AXDND1: variants seen among roughly 807,000 people sequenced by gnomAD.
The protein encoded by AXDND1 is axonemal dynein light chain domain-containing protein 1.
AXDND1 carries 110 observed loss-of-function variants against 137.5 expected under a neutral mutation model. The observed-to-expected ratio is 0.80, with a 90% CI of 0.69 to 0.94. The LOEUF (loss-of-function observed/expected upper bound fraction) is 0.94, where lower values mean the gene tolerates loss of function less well. AXDND1 is among the 40% of genes least tolerant of loss of function. The pLI, the probability that AXDND1 is intolerant of heterozygous loss-of-function variation, is 0.00. For synonymous variants in AXDND1, 414 were observed against 399.7 expected (o/e 1.04, Z -0.43); for missense variants, 1,191 against 1,169.8 (o/e 1.02, Z -0.26).
intron 15 of AXDND1, among the ~76,000 whole-genome samples, chr1:179,432,939 C>T (rs1217557094): frequency 6.6e-6 from 1 of 151,642 alleles, no homozygotes; most frequent in Non-Finnish European, 1.5e-5. Flanking sequence ...TTATGAACAA[C>T]AAGGAAAAAA....
rs35740934 is a variant in AXDND1 at position 179,502,562 on chromosome 1, T to TA, written c.2389-6711dup. Among the ~76,000 whole-genome samples, 177 of 81,040 alleles carry TA rather than the reference T, an allele frequency of 2.2e-3. 4 individuals carry two copies. The highest frequency in any genetic ancestry group is 0.018 in the Middle Eastern group (2 of 110). The allele number at this position is 81,040 out of a possible 152,430, so 53.2% of individuals were successfully genotyped here. A position where few individuals can be genotyped will look rare whatever the true frequency, so the allele number is the denominator to read the frequency against. On this transcript the variant is annotated intron_variant, in intron 20 of 25. Coordinates refer to ENST00000367618, the MANE Select transcript of AXDND1 (RefSeq NM_144696.6). ...CTGGGCAAAAGAGCAAAACTCTGTC[T>TA]AAAAAAAAAAAAAAAAAAAAAAAGA...
intron 12 of AXDND1, among the ~76,000 whole-genome samples, chr1:179,413,129 A>C (rs563805832): frequency 6.6e-6 from 1 of 152,340 alleles, no homozygotes; most frequent in Non-Finnish European, 1.5e-5. Flanking sequence ...ACAAATCCAC[A>C]CATGTTTAAT....
intron 16 of AXDND1, chr1:179,447,504 T>C (rs899196111): frequency 1.9e-6 from 1 of 535,422 alleles, no homozygotes; most frequent in South Asian, 3.3e-5. Context: ...AGGTATAGAT[T>C]CTACAGTTGG....
At chr1:179,551,030 TG>T in intron 25 of AXDND1, 2 of 915,658 alleles carry the variant, frequency 2.2e-6, no homozygotes, top group Non-Finnish European at 3.4e-6. Flanking sequence ...TTCTCATGGA[TG>T]GTGCATTGTG....
At chr1:179,459,751 CTTTCT>C (rs1051704822) in intron 16 of AXDND1, among the ~76,000 whole-genome samples, 5 of 137,624 alleles carry the variant, frequency 3.6e-5, no homozygotes, top group African/African-American at 5.5e-5. Flanking sequence ...TCCTTCCTTC[CTTTCT>C]TTTCTTTTCT....
intron 20 of AXDND1, among the ~76,000 whole-genome samples, chr1:179,501,662 A>G (rs1043510782): frequency 1.3e-5 from 2 of 152,178 alleles, no homozygotes; most frequent in Non-Finnish European, 2.9e-5. Flanking sequence ...CAGTGAGCCA[A>G]TCACGCCACT....
At chr1:179,524,500 C>T (rs893033223) in intron 21 of AXDND1, among the ~76,000 whole-genome samples, 3 of 152,156 alleles carry the variant, frequency 2.0e-5, no homozygotes, top group African/African-American at 4.8e-5. Context: ...CTCCAACTCT[C>T]ACAGCCTAAT....
At chr1:179,521,557 G>A (rs1670059661) in intron 21 of AXDND1, among the ~76,000 whole-genome samples, 1 of 152,032 alleles carries the variant, frequency 6.6e-6, no homozygotes, top group Admixed American at 6.6e-5. Context: ...TGCCTTTAGT[G>A]ATTTACCTTT....
In AXDND1 at chr1:179,421,419, C is replaced by T. The variant is rs181878845; in HGVS notation, c.1231-8099C>T. On this transcript the variant is annotated intron_variant, in intron 12 of 25. Coordinates refer to ENST00000367618, the MANE Select transcript of AXDND1 (RefSeq NM_144696.6). ...TTTGAGACAGAGTCTTGCTCTTTCA[C>T]CCAGGCTGTAGTGTAGTGGGGTGGC... is the stretch of plus-strand genomic sequence containing the variant. 4.6e-3 allele frequency among the ~76,000 whole-genome samples: 604 copies of T among 129,926 alleles called. 7 individuals are homozygous for T. The highest frequency in any genetic ancestry group is 0.018 in the African/African-American group (586 of 33,370). 85.2% of individuals were successfully genotyped at this position (129,926 alleles called of 152,430 possible).
chr1:179,470,784 G>T (rs1438712909), intron 17 of AXDND1, among the ~76,000 whole-genome samples: 1 of 151,822 alleles, frequency 6.6e-6, no homozygotes, highest in African/African-American at 2.4e-5. Context: ...TAATTGCTTT[G>T]GCTAGAACCT....
chr1:179,403,038 A>G (rs1016315990), intron 11 of AXDND1, among the ~76,000 whole-genome samples: 2 of 152,204 alleles, frequency 1.3e-5, no homozygotes, highest in South Asian at 4.1e-4. Context: ...CACATAGTCA[A>G]AAACCTACAT....
At chr1:179,466,190 C>T (rs1316319604) in intron 16 of AXDND1, among the ~76,000 whole-genome samples, 1 of 151,956 alleles carries the variant, frequency 6.6e-6, no homozygotes, top group East Asian at 1.9e-4. Context: ...CACCCGAGTT[C>T]TGCATTGCTC....
At chr1:179,404,342 C>T (rs986046051) in intron 11 of AXDND1, among the ~76,000 whole-genome samples, 1 of 151,972 alleles carries the variant, frequency 6.6e-6, no homozygotes, top group Non-Finnish European at 1.5e-5. Flanking sequence ...CTGCCTCAGC[C>T]TCCTGAGTAG....
At chr1:179,477,452 T>G (rs1664778053) in intron 17 of AXDND1, among the ~76,000 whole-genome samples, 1 of 151,944 alleles carries the variant, frequency 6.6e-6, no homozygotes, top group Non-Finnish European at 1.5e-5. Context: ...GCCCATCTCA[T>G]ATGGCAGCAG....
At chr1:179,481,783 A>G (rs1261676704) in intron 17 of AXDND1, among the ~76,000 whole-genome samples, 1 of 152,122 alleles carries the variant, frequency 6.6e-6, no homozygotes, top group East Asian at 1.9e-4. Flanking sequence ...TAAATTATCT[A>G]TTGTTTTCAA....
At chr1:179,439,628 A>C (rs1658694162) in intron 15 of AXDND1, among the ~76,000 whole-genome samples, 1 of 152,200 alleles carries the variant, frequency 6.6e-6, no homozygotes, top group Non-Finnish European at 1.5e-5. Context: ...ATGGCCAAGA[A>C]TATGGAATCA....
At chr1:179,430,378 G>T in intron 13 of AXDND1, 74 bp from the exon 14 acceptor site, 2 of 1,122,260 alleles carry the variant, frequency 1.8e-6, no homozygotes, top group Non-Finnish European at 2.5e-6. Flanking sequence ...ATTAATAATG[G>T]CCTGGTATAT....
At chr1:179,476,935 T>C (rs1042916912) in intron 17 of AXDND1, among the ~76,000 whole-genome samples, 22 of 152,322 alleles carry the variant, frequency 1.4e-4, no homozygotes, top group African/African-American at 4.1e-4. Context: ...TTTGAATATC[T>C]TTATGTACCT....
At chr1:179,538,998 G>A (rs1395278176) in intron 25 of AXDND1, among the ~76,000 whole-genome samples, 1 of 152,010 alleles carries the variant, frequency 6.6e-6, no homozygotes, top group Non-Finnish European at 1.5e-5. Context: ...AGTTTTATCA[G>A]ATACTGGGAT....
Sources: gnomAD v4.1 joint callset for allele counts (sites outside exome capture counted in the v4.1 genomes callset) on GRCh38, gnomAD v4.1.1 for gene constraint, MANE v1.5 for transcripts, NCBI Gene and HGNC (gene_info 2026-07-23, HGNC 2026-07-21) for gene names.